The following ZNF783 variants were observed in gnomAD, a reference collection of about 807,000 sequenced individuals.
The protein encoded by ZNF783 is protein ZNF783.
In ZNF783, 25 loss-of-function variants were observed where a neutral mutation model predicts 31.3. The observed-to-expected ratio is 0.80, with a 90% confidence interval of 0.58 to 1.11. The LOEUF is 1.11. ZNF783 is among the 50% of genes most tolerant of loss of function. ZNF783 has a pLI of 0.00. For synonymous variants in ZNF783, 369 were observed against 319.1 expected (o/e 1.16, Z -1.66); for missense variants, 797 against 760.0 (o/e 1.05, Z -0.57).
At position 149,266,383 on chromosome 7, in the gene ZNF783, T is replaced by G; in HGVS notation, c.73T>G (p.Leu25Val). Residue 25 changes from leucine (L) to valine (V), a missense_variant, in exon 2 of 6, where the codon TTG (leucine) becomes GTG (valine). Physicochemically the swap from Leu to Val is conservative, Grantham distance 32. Coordinates refer to ENST00000434415, the MANE Select transcript of ZNF783 (RefSeq NM_001195220.2). ...HTEDQSPSTPLPQPAAEKNSY... is the reference protein window; with the variant it reads ...HTEDQSPSTPVPQPAAEKNSY... Reference sequence around the variant, plus strand: ...AGAGGACCAGAGTCCTTCGACACCCTTGCCCCAGCCAGCTGCTGAGAAGAA... The same window carrying G: ...AGAGGACCAGAGTCCTTCGACACCCGTGCCCCAGCCAGCTGCTGAGAAGAA... 1 of 1,599,196 alleles carries G rather than the reference T, an allele frequency of 6.3e-7. No homozygotes were observed. Among genetic ancestry groups the G allele is most frequent in the South Asian group, 1.1e-5 (1 of 90,938 alleles).
At chr7:149,270,009 T>G (rs138726002) in intron 4 of ZNF783, among the ~76,000 whole-genome samples, 15,612 of 152,244 alleles carry the variant, frequency 0.1, 1,009 homozygotes, top group Non-Finnish European at 0.15. Context: ...CTCATCATTT[T>G]TTATGGCTGC....
intron 1 of ZNF783, among the ~76,000 whole-genome samples, 177 bp from the exon 2 acceptor site, chr7:149,266,154 CAGTT>C (rs1797058724): frequency 6.6e-6 from 1 of 152,188 alleles, no homozygotes; most frequent in East Asian, 1.9e-4. Context: ...TCTCTTGTAT[CAGTT>C]AGGCTGGATT....
intron 5 of ZNF783, among the ~76,000 whole-genome samples, chr7:149,279,583 G>A (rs1797411197): frequency 6.6e-6 from 1 of 151,434 alleles, no homozygotes; most frequent in East Asian, 1.9e-4. Context: ...AGAGGCCCTC[G>A]CCGAGTCTTT....
At chr7:149,262,446 G>C (rs1796948277) in intron 1 of ZNF783, 89 bp downstream of exon 1, 1 of 1,053,206 alleles carries the variant, frequency 9.5e-7, no homozygotes, top group Non-Finnish European at 1.2e-6. Context: ...GCGAGGCCGC[G>C]GGGTGAGAGG....
At chr7:149,277,123 C>G (rs968807853) in intron 4 of ZNF783, 2 of 152,182 alleles carry the variant, frequency 1.3e-5, no homozygotes, top group Non-Finnish European at 2.9e-5. Context: ...GCTGGGATTA[C>G]AGGCGTGAGC....
intron 5 of ZNF783, among the ~76,000 whole-genome samples, chr7:149,279,127 G>A (rs1454931049): frequency 2.0e-5 from 3 of 152,298 alleles, no homozygotes; most frequent in African/African-American, 4.8e-5. Context: ...TGGTCCTGCC[G>A]CTGGCCCGAC....
chr7:149,282,541 C>T lies in ZNF783; in HGVS notation c.*198C>T. The T allele has an allele frequency of 3.6e-6, 2 of 559,782 alleles. No individual in the cohort carries two copies. The highest frequency in any genetic ancestry group is 3.1e-5 in the East Asian group (1 of 31,830). 34.7% of individuals were successfully genotyped at this position (559,782 alleles called of 1,614,324 possible). A position where few individuals can be genotyped will look rare whatever the true frequency, so the allele number is the denominator to read the frequency against. The stretch of plus-strand genomic sequence containing the variant: ...CACTCTTCGCTGCCTTTTCTGCATT[C>T]CTGACTTCTAAAAGATGCCTTAAGG... On this transcript the variant is annotated 3_prime_UTR_variant, in exon 6 of 6. Transcript: ENST00000434415.
chr7:149,269,884 T>C (rs930305040), intron 4 of ZNF783, among the ~76,000 whole-genome samples: 5 of 144,728 alleles, frequency 3.5e-5, no homozygotes, highest in Non-Finnish European at 7.5e-5. Context: ...TGTGTTCTCA[T>C]TGTTCAGTTC....
chr7:149,268,060 G>A (rs1453888122), intron 4 of ZNF783, among the ~76,000 whole-genome samples: 1 of 152,200 alleles, frequency 6.6e-6, no homozygotes, highest in Non-Finnish European at 1.5e-5. Flanking sequence ...ATCCTCTGGG[G>A]AGCTTTATTT....
chr7:149,276,585 G>A (rs964885865), intron 4 of ZNF783: 4 of 985,268 alleles, frequency 4.1e-6, no homozygotes, highest in Admixed American at 6.2e-5. Context: ...CTTCTAGCTG[G>A]TTTTACCTCT....
intron 5 of ZNF783, among the ~76,000 whole-genome samples, chr7:149,280,358 G>A (rs1797436885): frequency 1.3e-5 from 2 of 152,134 alleles, no homozygotes; most frequent in African/African-American, 4.8e-5. Context: ...GGGGAAGAAG[G>A]GCGGAGGCAC....
intron 5 of ZNF783, 51 bp from the exon 6 acceptor site, chr7:149,281,454 G>C (rs766038856): frequency 5.7e-6 from 8 of 1,404,426 alleles, no homozygotes; most frequent in African/African-American, 3.0e-5. Flanking sequence ...AGTGACCTGG[G>C]GGACAGGGTG....
chr7:149,265,300 C>T (rs1366127491), intron 1 of ZNF783, among the ~76,000 whole-genome samples: 1 of 151,894 alleles, frequency 6.6e-6, no homozygotes, highest in Non-Finnish European at 1.5e-5. Context: ...AGCTGAGGCA[C>T]TTGAGAAGCT....
At chr7:149,263,329 T>C (rs945326346) in intron 1 of ZNF783, among the ~76,000 whole-genome samples, 5 of 148,812 alleles carry the variant, frequency 3.4e-5, no homozygotes, top group African/African-American at 1.2e-4. Flanking sequence ...TATATATTTT[T>C]TTTTTAGACA....
At chr7:149,270,790 T>G (rs929640142) in intron 4 of ZNF783, among the ~76,000 whole-genome samples, 7 of 152,216 alleles carry the variant, frequency 4.6e-5, no homozygotes, top group Non-Finnish European at 8.8e-5. Context: ...ATTTTTGATT[T>G]CTATTGGTGA....
chr7:149,265,251 G>A (rs899510883), intron 1 of ZNF783, among the ~76,000 whole-genome samples: 5 of 152,164 alleles, frequency 3.3e-5, no homozygotes, highest in Admixed American at 1.3e-4. Flanking sequence ...TGCCCATTGC[G>A]CATGCACAAT....
chr7:149,284,638 T>C lies in ZNF783; in HGVS notation c.*2295T>C, dbSNP rs1411037608. 1 of 152,280 alleles carries C rather than the reference T, an allele frequency of 6.6e-6. No homozygotes were observed. The highest frequency in any genetic ancestry group is 2.4e-5 in the African/African-American group (1 of 41,474). The allele number at this position is 152,280 out of a possible 1,614,324, so 9.4% of individuals were successfully genotyped here. On this transcript the variant is annotated 3_prime_UTR_variant, in exon 6 of 6. Coordinates refer to ENST00000434415, the MANE Select transcript of ZNF783 (RefSeq NM_001195220.2). ...CGACTTTCTGGGCTTGGTTGGCTAA[T>C]GCCAAATGCCCCTGCTTAAATATCA...
chr7:149,270,639 A>C (rs1364648434), intron 4 of ZNF783, among the ~76,000 whole-genome samples: 1 of 152,142 alleles, frequency 6.6e-6, no homozygotes, highest in African/African-American at 2.4e-5. Flanking sequence ...AAACTGTCCC[A>C]TCTTTAGCTA....
rs186192994 is a variant in ZNF783, at chr7:149,278,458, A to C, written c.733A>C (p.Lys245Gln). 1,243 of 1,599,264 alleles carry C rather than the reference A, an allele frequency of 7.8e-4. 4 individuals carry two copies. In the African/African-American group the frequency reaches 0.01, roughly 13 times the overall value. ...SPLSPAQEEL[K>Q]EGQAPKQQQD... is the part of the protein sequence containing the mutation. ...ACTTAGCCCTGCCCAGGAGGAGCTG[A>C]AAGAAGGGCAGGCCCCCAAGCAGCA... The change falls in exon 5 of 6, where the codon AAA (lysine) becomes CAA (glutamine). Residue 245 changes from lysine (K) to glutamine (Q), a missense_variant. Physicochemically the swap from Lys to Gln is moderately conservative, Grantham distance 53. Transcript: ENST00000434415.
Sources: gnomAD v4.1 joint callset for allele counts (sites outside exome capture counted in the v4.1 genomes callset) on GRCh38, gnomAD v4.1.1 for gene constraint, MANE v1.5 for transcripts, NCBI Gene and HGNC (gene_info 2026-07-23, HGNC 2026-07-21) for gene names.